Variants in XPNPEP2 observed in about 807,000 individuals in gnomAD.
XPNPEP2 encodes the protein xaa-Pro aminopeptidase 2.
In XPNPEP2, 64 loss-of-function variants were observed where a neutral mutation model predicts 59.8. The ratio of observed to expected loss-of-function variants is 1.07; its 90% CI spans 0.87 to 1.32. The LOEUF is 1.32. Ranked by LOEUF, XPNPEP2 falls within the 40% of genes most tolerant of loss-of-function variation. The pLI, the probability that XPNPEP2 is intolerant of heterozygous loss-of-function variation, is 0.00. For missense variants in XPNPEP2, 575 were observed against 546.8 expected (o/e 1.05, Z -0.51); for synonymous variants, 235 against 210.0 (o/e 1.12, Z -1.03).
chrX:129,756,378 G>T, intron 13 of XPNPEP2, 106 bp from the exon 14 acceptor site: 1 of 780,757 alleles, frequency 1.3e-6, no homozygotes, highest in South Asian at 2.1e-5. Flanking sequence ...TTCCTCCAGA[G>T]GGACTGGCCT....
intron 13 of XPNPEP2, among the ~76,000 whole-genome samples, chrX:129,755,659 G>C (rs765482992): frequency 8.9e-6 from 1 of 112,889 alleles, no homozygotes; most frequent in African/African-American, 3.2e-5. Context: ...AATGCTTAAA[G>C]CTCACGAGTT....
Position 129,751,851 on chromosome X carries a change from T to G in XPNPEP2, c.821+25T>G, listed in dbSNP as rs1426837236. On this transcript the variant is annotated intron_variant, in intron 9 of 20. Transcript: ENST00000371106. Reference sequence around the variant, plus strand: ...GGTATGGCTTTTCCTTAGCTTGCTGTTGTGGACTTTCTCCAACTTCCACCC... The same window carrying G: ...GGTATGGCTTTTCCTTAGCTTGCTGGTGTGGACTTTCTCCAACTTCCACCC... The G allele has an allele frequency of 5.1e-6, 6 of 1,180,384 alleles. No homozygotes were observed. The Admixed American group carries it at 8.7e-5, about 17-fold the overall frequency.
chrX:129,762,103 C>G, intron 18 of XPNPEP2, 38 bp downstream of exon 18: 1 of 1,188,190 alleles, frequency 8.4e-7, no homozygotes, highest in Admixed American at 2.2e-5. Context: ...CCACCCCATC[C>G]CAGAGCAGGA....
chrX:129,753,311 A>G (rs1926456302), intron 11 of XPNPEP2, 63 bp downstream of exon 11: 5 of 1,050,131 alleles, frequency 4.8e-6, no homozygotes, highest in Non-Finnish European at 6.6e-6. Context: ...GTTAGAAAGG[A>G]AAGGCCTCCA....
intron 1 of XPNPEP2, among the ~76,000 whole-genome samples, 195 bp from the exon 2 acceptor site, chrX:129,741,913 A>G (rs1043892086): frequency 8.9e-6 from 1 of 112,352 alleles, no homozygotes; most frequent in Non-Finnish European, 1.9e-5. Context: ...GATTTCTTTG[A>G]TTGTGACCCA....
intron 19 of XPNPEP2, among the ~76,000 whole-genome samples, chrX:129,765,645 T>G (rs1260234078): frequency 1.0e-5 from 1 of 97,876 alleles, no homozygotes; most frequent in Non-Finnish European, 2.1e-5. Context: ...CTTTTTTTTT[T>G]TTTTTTTTTT....
intron 6 of XPNPEP2, 99 bp from the exon 7 acceptor site, chrX:129,747,508 A>G (rs1296341748): frequency 9.0e-6 from 10 of 1,115,906 alleles, no homozygotes; most frequent in Non-Finnish European, 1.1e-5. Flanking sequence ...TGGGCTGCAA[A>G]GGGAGGCAAA....
At chrX:129,755,631 G>A (rs1926504848) in intron 13 of XPNPEP2, among the ~76,000 whole-genome samples, 1 of 112,679 alleles carries the variant, frequency 8.9e-6, no homozygotes, top group South Asian at 3.6e-4. Context: ...GGCTTCCCAT[G>A]TGTTGCTTAT....
rs1309592071 is a variant in XPNPEP2 at position 129,753,228 on chromosome X, G to C, written c.1087G>C (p.Ala363Pro). Reference protein sequence around the residue: ...TKAVKNSKEQALLKASHVRDA... With the variant: ...TKAVKNSKEQPLLKASHVRDA... ...GGCAGTGAAGAACAGCAAGGAGCAG[G>C]CCCTCCTCAAGGCCAGCCACGTAAG... Residue 363 changes from alanine (A) to proline (P), a missense_variant, in exon 11 of 21, where the codon GCC (alanine) becomes CCC (proline). By Grantham distance (27) the Ala-to-Pro change is conservative (BLOSUM62 -1). Coordinates refer to ENST00000371106, the MANE Select transcript of XPNPEP2 (RefSeq NM_003399.6). 8.3e-7 allele frequency: 1 copy of C among 1,211,679 alleles called. No homozygotes were observed. Among genetic ancestry groups the C allele is most frequent in the Admixed American group, 2.2e-5 (1 of 46,056 alleles).
chrX:129,757,923 GAAAGA>G (rs1204163537), intron 14 of XPNPEP2, among the ~76,000 whole-genome samples: 8 of 104,031 alleles, frequency 7.7e-5, no homozygotes, highest in Non-Finnish European at 1.2e-4. Flanking sequence ...AAGAAAGAAA[GAAAGA>G]AAGAAAGAAA....
chrX:129,754,139 C>G (rs1310803938), intron 11 of XPNPEP2, among the ~76,000 whole-genome samples: 1 of 111,851 alleles, frequency 8.9e-6, no homozygotes, highest in Non-Finnish European at 1.9e-5. Context: ...AGTGTCCCTT[C>G]ATCCAGCTTC....
chrX:129,757,891 GAGAGAAAGAAAGAAAGAAAGAA>G (rs1165528733), intron 14 of XPNPEP2, among the ~76,000 whole-genome samples: 1,577 of 68,007 alleles, frequency 0.023, 26 homozygotes, highest in Middle Eastern at 0.04. Context: ...GAGAGAGAGA[GAGAGAAAGAAAGAAAGAAAGAA>G]AGAAAGAAAG....
Position 129,762,749 on chromosome X carries a change from C to A in XPNPEP2, c.1719C>A (p.Leu573=). ...GGATCCGTCTCGAAGATGTGGCTCT[C>A]GTGGTAGAAGCAAAGACCAAGGTAA... ...EFGIRLEDVA[L]VVEAKTKYPG... The change falls in exon 19 of 21, where the codon CTC becomes CTA. Residue 573 remains leucine, a synonymous_variant. Coordinates refer to ENST00000371106, the MANE Select transcript of XPNPEP2 (RefSeq NM_003399.6). The A allele has an allele frequency of 8.3e-7, 1 of 1,211,514 alleles. No individual in the cohort carries two copies. Among genetic ancestry groups the A allele is most frequent in the East Asian group, 3.0e-5 (1 of 33,865 alleles).
intron 19 of XPNPEP2, among the ~76,000 whole-genome samples, chrX:129,763,522 A>T (rs1190579685): frequency 1.8e-5 from 2 of 110,979 alleles, no homozygotes; most frequent in Middle Eastern, 4.7e-3. Flanking sequence ...ACAAAAAAAA[A>T]TTAGCTGCAC....
Position 129,754,550 on chromosome X carries a change from T to C in XPNPEP2, c.1186T>C (p.Ser396Pro), listed in dbSNP as rs1185983131. 3.4e-6 allele frequency: 4 copies of C among 1,189,525 alleles called. No individual in the cohort carries two copies. The highest frequency in any genetic ancestry group is 4.5e-6 in the Non-Finnish European group (4 of 885,438). The change falls in exon 12 of 21, where the codon TCG (serine) becomes CCG (proline). Residue 396 changes from serine to proline, a missense_variant. Coordinates refer to ENST00000371106, the MANE Select transcript of XPNPEP2 (RefSeq NM_003399.6). ...NVPKGTVDEF[S>P]GAEIVDKFRG... ...GCCCAAAGGCACAGTGGATGAGTTC[T>C]CGGGGGCAGAGATCGTGGACAAGTT...
chrX:129,743,020 C>T (rs1926226351), intron 2 of XPNPEP2, among the ~76,000 whole-genome samples: 1 of 111,959 alleles, frequency 8.9e-6, no homozygotes, highest in Non-Finnish European at 1.9e-5. Flanking sequence ...TAGTCAGCTT[C>T]CTAGCTGGAG....
intron 2 of XPNPEP2, among the ~76,000 whole-genome samples, chrX:129,743,565 T>A (rs1210559505): frequency 8.9e-6 from 1 of 112,297 alleles, no homozygotes; most frequent in Non-Finnish European, 1.9e-5. Flanking sequence ...ACTAGGTGAG[T>A]GTCCTGTATT....
chrX:129,739,163 C>T lies in XPNPEP2; in HGVS notation c.-51C>T, dbSNP rs1285585307. On this transcript the variant is annotated 5_prime_UTR_variant, in exon 1 of 21. Transcript: ENST00000371106. Reference sequence around the variant, plus strand: ...AGGAAGAGGCCGGGGAAAGAGCCCTCCCTCTCTCCCTTGTCCCTCCATCCA... The same window carrying T: ...AGGAAGAGGCCGGGGAAAGAGCCCTTCCTCTCTCCCTTGTCCCTCCATCCA... 2 of 1,164,704 alleles carry T rather than the reference C, an allele frequency of 1.7e-6. No homozygotes were observed. Among genetic ancestry groups the T allele is most frequent in the South Asian group, 1.8e-5 (1 of 54,775 alleles).
intron 1 of XPNPEP2, 21 bp from the exon 2 acceptor site, chrX:129,742,087 G>A (rs373063420): frequency 3.0e-4 from 360 of 1,203,706 alleles, no homozygotes; most frequent in Middle Eastern, 1.2e-3. Context: ...AATGACCCTG[G>A]ATTTTTCTCC....
Sources: gnomAD v4.1 joint callset for allele counts (sites outside exome capture counted in the v4.1 genomes callset) on GRCh38, gnomAD v4.1.1 for gene constraint, MANE v1.5 for transcripts, NCBI Gene and HGNC (gene_info 2026-07-23, HGNC 2026-07-21) for gene names.